Variants in ZNF215 observed in about 807,000 individuals in gnomAD.
ZNF215 encodes the protein zinc finger protein 215.
Under a neutral mutation model 27.2 loss-of-function variants are expected in ZNF215, and 24 were observed. The observed-to-expected ratio is 0.88, with a 90% CI of 0.64 to 1.24. The LOEUF is 1.24. Ranked by LOEUF, ZNF215 falls within the 50% of genes most tolerant of loss-of-function variation. The probability of loss-of-function intolerance (pLI) is 0.00; values close to 1 mark genes in which losing one functional copy is unlikely to be tolerated. For synonymous variants in ZNF215, 210 were observed against 204.0 expected, an observed-to-expected ratio of 1.03 and a Z score of -0.25; for missense variants, 675 against 605.7, an observed-to-expected ratio of 1.11 and a Z score of -1.20.
At chr11:6,927,873 T>A (rs980782477) in intron 2 of ZNF215, 66 bp downstream of exon 2, 5 of 152,252 alleles carry the variant, frequency 3.3e-5, no homozygotes, top group Admixed American at 2.0e-4. Context: ...GCTTTTTTTT[T>A]ATTTCCTGAG....
chr11:6,939,434 G>T (rs768555712), intron 3 of ZNF215, among the ~76,000 whole-genome samples: 1 of 152,076 alleles, frequency 6.6e-6, no homozygotes, highest in African/African-American at 2.4e-5. Context: ...AAATGAATGC[G>T]CAATAGCTTA....
chr11:6,978,840 TATA>T (rs1365985127), intron 5 of ZNF215, among the ~76,000 whole-genome samples: 2 of 152,126 alleles, frequency 1.3e-5, no homozygotes, highest in Admixed American at 6.6e-5. Flanking sequence ...ATGTGGTTAA[TATA>T]ATCCACCTAT....
chr11:6,980,972 G>C (rs1850939646), intron 5 of ZNF215, among the ~76,000 whole-genome samples: 1 of 149,620 alleles, frequency 6.7e-6, no homozygotes, highest in Non-Finnish European at 1.5e-5. Flanking sequence ...GTATTCCATG[G>C]TGTATATGTG....
intron 3 of ZNF215, among the ~76,000 whole-genome samples, chr11:6,937,909 T>C (rs758300914): frequency 6.6e-6 from 1 of 151,862 alleles, no homozygotes; most frequent in Admixed American, 6.6e-5. Context: ...GAAGAAAATA[T>C]AGAAATAACT....
At chr11:6,950,997 G>GT (rs1359505951) in intron 6 of ZNF215, among the ~76,000 whole-genome samples, 2 of 152,014 alleles carry the variant, frequency 1.3e-5, no homozygotes, top group African/African-American at 4.8e-5. Flanking sequence ...TAATCATGTG[G>GT]TTTTTGTCTT....
chr11:6,954,217 G>A (rs956248295), intron 6 of ZNF215, among the ~76,000 whole-genome samples: 6 of 152,178 alleles, frequency 3.9e-5, no homozygotes, highest in South Asian at 2.1e-4. Flanking sequence ...CAGTCTGCCC[G>A]TTCTCAGATC....
chr11:6,975,468 T>C (rs893783850), intron 5 of ZNF215, among the ~76,000 whole-genome samples: 2 of 152,012 alleles, frequency 1.3e-5, no homozygotes, highest in African/African-American at 4.8e-5. Flanking sequence ...GGTCATATTA[T>C]TCTATTTTTT....
At chr11:6,980,385 C>G (rs1369303616) in intron 5 of ZNF215, among the ~76,000 whole-genome samples, 1 of 151,900 alleles carries the variant, frequency 6.6e-6, no homozygotes, top group African/African-American at 2.4e-5. Context: ...GGAAGTGATT[C>G]AAAAGTCTAC....
chr11:6,981,872 T>C (rs1850960072), intron 5 of ZNF215, among the ~76,000 whole-genome samples: 1 of 152,104 alleles, frequency 6.6e-6, no homozygotes, highest in African/African-American at 2.4e-5. Flanking sequence ...GGGAATCCTT[T>C]CCCTATTGCT....
intron 5 of ZNF215, among the ~76,000 whole-genome samples, chr11:6,964,696 T>G (rs1466701697): frequency 6.6e-6 from 1 of 151,680 alleles, no homozygotes; most frequent in Non-Finnish European, 1.5e-5. Flanking sequence ...TTTTTTTTTT[T>G]TATTTTTAAT....
In ZNF215 at chr11:6,956,281, G is replaced by C. The variant is rs780518030; in HGVS notation, c.1304G>C (p.Cys435Ser). ...HQKLHAEAKA[C>S]TSNKCGKAFS... The stretch of plus-strand genomic sequence containing the variant: ...AAACTTCATGCTGAAGCAAAGGCCT[G>C]CACAAGCAATAAATGTGGAAAGGCC... The change falls in exon 7 of 7, where the codon TGC (cysteine) becomes TCC (serine). Residue 435 changes from cysteine (C) to serine (S), a missense_variant. By Grantham distance (112) the Cys-to-Ser change is moderately radical. Coordinates refer to ENST00000278319, the MANE Select transcript of ZNF215 (RefSeq NM_013250.4). 1 of 1,614,118 alleles carries C rather than the reference G, an allele frequency of 6.2e-7. No individual in the cohort carries two copies. Among genetic ancestry groups the C allele is most frequent in the South Asian group, 1.1e-5 (1 of 91,084 alleles).
intron 5 of ZNF215, among the ~76,000 whole-genome samples, chr11:6,965,924 A>G (rs1850609800): frequency 6.6e-6 from 1 of 152,124 alleles, no homozygotes; most frequent in Non-Finnish European, 1.5e-5. Flanking sequence ...TGCTGGTATA[A>G]TTAGGTGAGT....
At chr11:6,958,435 C>T (rs1252132028), downstream of ZNF215, among the ~76,000 whole-genome samples, 3 of 152,194 alleles carry the variant, frequency 2.0e-5, no homozygotes, top group Non-Finnish European at 4.4e-5. Context: ...AAAGTGTTTA[C>T]TATGTTCACT....
intron 5 of ZNF215, among the ~76,000 whole-genome samples, chr11:6,974,799 C>T (rs1248677812): frequency 2.7e-4 from 41 of 152,074 alleles, no homozygotes; most frequent in African/African-American, 9.4e-4. Flanking sequence ...TGGGCTGAGA[C>T]GATGGGGTTT....
chr11:6,939,065 T>C (rs943802572), intron 3 of ZNF215, among the ~76,000 whole-genome samples: 1 of 152,142 alleles, frequency 6.6e-6, no homozygotes, highest in African/African-American at 2.4e-5. Flanking sequence ...ATTGAAAGGA[T>C]AGGAAGATGC....
intron 5 of ZNF215, among the ~76,000 whole-genome samples, chr11:6,980,008 C>T (rs1850914859): frequency 1.3e-5 from 2 of 152,054 alleles, no homozygotes; most frequent in Non-Finnish European, 2.9e-5. Flanking sequence ...AGTACACATG[C>T]ACATGCGTGC....
In ZNF215 at chr11:6,956,242, T is replaced by A. The variant is rs1850346312; in HGVS notation, c.1265T>A (p.Leu422His). The change falls in exon 7 of 7, where the codon CTT becomes CAT. Residue 422 changes from leucine to histidine, a missense_variant. Leu to His is a moderately conservative substitution (Grantham distance 99). Transcript: ENST00000278319. Reference protein sequence around the residue: ...CGRFFNRRTNLTKHQKLHAEA... With the variant: ...CGRFFNRRTNHTKHQKLHAEA... ...AGATTCTTCAACCGACGTACAAACC[T>A]TACTAAGCATCAAAAACTTCATGCT... 7.4e-6 allele frequency: 12 copies of A among 1,613,818 alleles called. No individual in the cohort carries two copies. The highest frequency in any genetic ancestry group is 9.3e-6 in the Non-Finnish European group (11 of 1,179,942).
At chr11:6,937,198 A>T (rs1849465833) in intron 3 of ZNF215, among the ~76,000 whole-genome samples, 1 of 152,054 alleles carries the variant, frequency 6.6e-6, no homozygotes, top group Admixed American at 6.5e-5. Flanking sequence ...CCAGTAAAAA[A>T]CTATTAGACC....
intron 5 of ZNF215, among the ~76,000 whole-genome samples, chr11:6,980,626 TAC>T (rs1246320347): frequency 1.5e-4 from 21 of 142,888 alleles, no homozygotes; most frequent in African/African-American, 6.1e-4. Flanking sequence ...ATTATTATTA[TAC>T]TTTAAGTTTT....
Sources: gnomAD v4.1 joint callset for allele counts (sites outside exome capture counted in the v4.1 genomes callset) on GRCh38, gnomAD v4.1.1 for gene constraint, MANE v1.5 for transcripts, NCBI Gene and HGNC (gene_info 2026-07-23, HGNC 2026-07-21) for gene names.